Variants in TBX5 observed in about 807,000 individuals in gnomAD.
The protein encoded by TBX5 is T-box transcription factor TBX5.
A neutral mutation model predicts 51.1 loss-of-function variants in TBX5; 8 were observed. That is an observed-to-expected ratio of 0.16 (90% CI 0.09 to 0.28). TBX5 has a LOEUF of 0.28. TBX5 is among the 10% of genes least tolerant of loss of function. The pLI is 1.00. For synonymous variants in TBX5, 302 were observed against 266.4 expected (o/e 1.13, Z -1.30); for missense variants, 589 against 671.7 (o/e 0.88, Z 1.36).
chr12:114,379,006 A>G (rs1398326275), intron 7 of TBX5, among the ~76,000 whole-genome samples: 1 of 152,182 alleles, frequency 6.6e-6, no homozygotes, highest in East Asian at 1.9e-4. Flanking sequence ...TGAGTCTGCC[A>G]AGCTAGAGAG....
intron 7 of TBX5, among the ~76,000 whole-genome samples, chr12:114,375,027 C>T (rs1289526973): frequency 6.6e-6 from 1 of 152,174 alleles, no homozygotes; most frequent in African/African-American, 2.4e-5. Context: ...ACAATTCTTC[C>T]ATGTTTCTCA....
chr12:114,407,008 C>CATCA, upstream of TBX5: 1 of 973,106 alleles, frequency 1.0e-6, no homozygotes, highest in Non-Finnish European at 1.2e-6. Flanking sequence ...CCTGTACCCC[C>CATCA]ATCATACTGA....
chr12:114,376,717 T>C (rs1232483741), intron 7 of TBX5, among the ~76,000 whole-genome samples: 3 of 151,670 alleles, frequency 2.0e-5, no homozygotes, highest in Non-Finnish European at 4.4e-5. Context: ...AGGTGCTGAA[T>C]ATGTTAATTA....
chr12:114,396,641 G>T (rs940071698), intron 5 of TBX5, among the ~76,000 whole-genome samples: 1 of 152,130 alleles, frequency 6.6e-6, no homozygotes, highest in African/African-American at 2.4e-5. Flanking sequence ...AAAGCTAGGA[G>T]CTGAAATGAG....
At chr12:114,359,516 G>T (rs1378531730) in intron 8 of TBX5, among the ~76,000 whole-genome samples, 1 of 152,172 alleles carries the variant, frequency 6.6e-6, no homozygotes, top group Non-Finnish European at 1.5e-5. Flanking sequence ...GCTTCAGAAA[G>T]TTGCATATTA....
At chr12:114,394,631 G>T in intron 6 of TBX5, 110 bp downstream of exon 6, 3 of 1,471,232 alleles carry the variant, frequency 2.0e-6, no homozygotes, top group Non-Finnish European at 2.8e-6. Flanking sequence ...GGTCGAAGTT[G>T]GTGACTGCTG....
intron 6 of TBX5, among the ~76,000 whole-genome samples, chr12:114,392,192 A>T (rs1433034600): frequency 6.6e-6 from 1 of 152,080 alleles, no homozygotes; most frequent in East Asian, 1.9e-4. Flanking sequence ...AAAAAAAAAA[A>T]AAAAAAAATC....
chr12:114,371,973 C>T (rs565804950), intron 7 of TBX5, among the ~76,000 whole-genome samples: 115 of 152,200 alleles, frequency 7.6e-4, no homozygotes, highest in African/African-American at 1.1e-3. Flanking sequence ...AGGAGAAGGG[C>T]GCTGGGTACC....
intron 8 of TBX5, among the ~76,000 whole-genome samples, chr12:114,361,325 C>T (rs760205215): frequency 6.6e-5 from 10 of 152,310 alleles, no homozygotes; most frequent in African/African-American, 2.2e-4. Context: ...TTTTCCATAT[C>T]GAATTCCCCT....
intron 5 of TBX5, 102 bp from the exon 6 acceptor site, chr12:114,394,995 G>T: frequency 8.7e-7 from 1 of 1,155,132 alleles, no homozygotes; most frequent in Non-Finnish European, 1.3e-6. Flanking sequence ...TGTTATATCG[G>T]CTCTCGAAAA....
At chr12:114,407,400 A>G (rs1480197402), upstream of TBX5, among the ~76,000 whole-genome samples, 1 of 152,224 alleles carries the variant, frequency 6.6e-6, no homozygotes, top group Admixed American at 6.5e-5. Flanking sequence ...CAAACATGGC[A>G]TCGGAAGAAG....
chr12:114,373,087 G>T (rs1009221098), intron 7 of TBX5, among the ~76,000 whole-genome samples: 1 of 151,632 alleles, frequency 6.6e-6, no homozygotes, highest in Non-Finnish European at 1.5e-5. Flanking sequence ...TGGAGCAGAG[G>T]TTCTTACCCA....
At chr12:114,366,073 A>T (rs1266812078) in intron 8 of TBX5, 92 bp downstream of exon 8, 1 of 1,289,034 alleles carries the variant, frequency 7.8e-7, no homozygotes, top group Non-Finnish European at 1.1e-6. Context: ...AAATAAAGTA[A>T]ATAAATGAAT....
intron 8 of TBX5, among the ~76,000 whole-genome samples, chr12:114,358,042 A>G (rs557900454): frequency 6.6e-6 from 1 of 152,372 alleles, no homozygotes; most frequent in East Asian, 1.9e-4. Flanking sequence ...TCATAAAGGC[A>G]GAAACTAAAG....
intron 5 of TBX5, among the ~76,000 whole-genome samples, chr12:114,397,694 T>A (rs1871511552): frequency 6.6e-6 from 1 of 152,172 alleles, no homozygotes; most frequent in East Asian, 1.9e-4. Context: ...CTCTCTTGGG[T>A]CCAATCCAGA....
At chr12:114,378,678 C>G (rs1870340659) in intron 7 of TBX5, among the ~76,000 whole-genome samples, 1 of 152,040 alleles carries the variant, frequency 6.6e-6, no homozygotes. Flanking sequence ...CTCTTGTTGC[C>G]CAGGCTGGAG....
intron 7 of TBX5, among the ~76,000 whole-genome samples, chr12:114,368,931 C>G (rs1869706516): frequency 6.6e-6 from 1 of 152,078 alleles, no homozygotes; most frequent in Non-Finnish European, 1.5e-5. Context: ...GAATCTCCCC[C>G]TGGGGCCAGG....
intron 6 of TBX5, among the ~76,000 whole-genome samples, chr12:114,391,790 G>A (rs893858572): frequency 6.6e-5 from 10 of 152,168 alleles, no homozygotes; most frequent in African/African-American, 1.7e-4. Context: ...ACCCTGGCCC[G>A]CTTATTTAAA....
At chr12:114,407,003 A>T (rs1025155648), upstream of TBX5, 3 of 963,876 alleles carry the variant, frequency 3.1e-6, no homozygotes, top group African/African-American at 5.3e-5. Flanking sequence ...TACCTCCTGT[A>T]CCCCCATCAT....
Sources: allele counts gnomAD v4.1 joint callset (sites outside exome capture counted in the v4.1 genomes callset), GRCh38; gene constraint gnomAD v4.1.1; transcripts MANE v1.5; gene names NCBI Gene and HGNC (gene_info 2026-07-23, HGNC 2026-07-21).